Variants in EXT2 observed in about 807,000 individuals in gnomAD.
EXT2 encodes the protein exostosin-2.
EXT2 carries 53 observed loss-of-function variants against 81.6 expected under a neutral mutation model. The observed-to-expected ratio is 0.65, with a 90% confidence interval of 0.52 to 0.82. The LOEUF (loss-of-function observed/expected upper bound fraction) is 0.82, where lower values mean the gene tolerates loss of function less well. Ranked by LOEUF, EXT2 falls within the 40% of genes least tolerant of loss-of-function variation. EXT2 has a pLI of 0.00. For missense variants in EXT2, 774 were observed against 910.2 expected (o/e 0.85, Z 1.93); for synonymous variants, 320 against 340.0 (o/e 0.94, Z 0.65).
intron 10 of EXT2, among the ~76,000 whole-genome samples, chr11:44,210,762 G>A (rs1046105302): frequency 5.3e-5 from 8 of 152,170 alleles, no homozygotes; most frequent in Non-Finnish European, 1.0e-4. Context: ...CAAAATGTGT[G>A]CCAGATATGT....
chr11:44,098,153 CG>C (rs1565192516), intron 1 of EXT2, among the ~76,000 whole-genome samples: 13 of 151,834 alleles, frequency 8.6e-5, no homozygotes. Context: ...TGTCATCTTC[CG>C]GGGATTTTAA....
At chr11:44,120,366 C>T (rs1018371385) in intron 4 of EXT2, among the ~76,000 whole-genome samples, 2 of 152,216 alleles carry the variant, frequency 1.3e-5, no homozygotes, top group Non-Finnish European at 2.9e-5. Flanking sequence ...CATGTACCTC[C>T]CTCTGCTGGC....
chr11:44,205,704 C>A (rs1234553480), intron 9 of EXT2, among the ~76,000 whole-genome samples: 1 of 152,152 alleles, frequency 6.6e-6, no homozygotes, highest in Non-Finnish European at 1.5e-5. Context: ...ACTGACTTTC[C>A]CTCTATCATA....
chr11:44,234,281 G>A, intron 12 of EXT2, 38 bp downstream of exon 12: 1 of 1,594,984 alleles, frequency 6.3e-7, no homozygotes. Context: ...TGTGATCTTG[G>A]GCAAATATCT....
intron 1 of EXT2, chr11:44,096,310 C>T (rs2134933085): frequency 6.5e-7 from 1 of 1,535,952 alleles, no homozygotes; most frequent in South Asian, 1.2e-5. Flanking sequence ...GTGCCAGAAG[C>T]CGTGGGACGA....
At chr11:44,106,257 TG>T (rs1223262617) in intron 1 of EXT2, among the ~76,000 whole-genome samples, 2 of 152,210 alleles carry the variant, frequency 1.3e-5, no homozygotes, top group Non-Finnish European at 1.5e-5. Context: ...TGTTCGTCTT[TG>T]TAAATGAATC....
intron 7 of EXT2, among the ~76,000 whole-genome samples, chr11:44,155,608 A>G (rs1954846087): frequency 6.6e-6 from 1 of 152,200 alleles, no homozygotes; most frequent in Non-Finnish European, 1.5e-5. Context: ...ACAAGCAAAG[A>G]GAAAACTAAT....
intron 7 of EXT2, among the ~76,000 whole-genome samples, chr11:44,168,543 A>G (rs1343465638): frequency 6.6e-6 from 1 of 152,218 alleles, no homozygotes; most frequent in Non-Finnish European, 1.5e-5. Flanking sequence ...TAGGCATGTC[A>G]TAGTTGAATT....
chr11:44,228,430 G>A (rs759524534), intron 10 of EXT2, among the ~76,000 whole-genome samples: 1 of 152,218 alleles, frequency 6.6e-6, no homozygotes, highest in South Asian at 2.1e-4. Context: ...AGACAGGGTA[G>A]AGTTTGAGCT....
intron 9 of EXT2, among the ~76,000 whole-genome samples, chr11:44,199,764 C>A (rs1460638899): frequency 1.3e-5 from 2 of 152,102 alleles, no homozygotes. Flanking sequence ...TACACTGGCA[C>A]AACTAAAGGC....
At chr11:44,140,218 T>C (rs758426719) in intron 7 of EXT2, among the ~76,000 whole-genome samples, 6 of 152,250 alleles carry the variant, frequency 3.9e-5, no homozygotes, top group Non-Finnish European at 7.3e-5. Context: ...GCAGTCTGAC[T>C]GGCTGGACCT....
chr11:44,219,461 T>G lies in EXT2; in HGVS notation c.1662+12502T>G, dbSNP rs572158943. Among the ~76,000 whole-genome samples, 3 of 152,208 alleles carry G rather than the reference T, an allele frequency of 2.0e-5. No homozygotes were observed. In the South Asian group the frequency reaches 6.2e-4, roughly 32 times the overall value. ...TGAGTCTAGGATCGTGCCACTGCAC[T>G]CCAGCCTGGGCAACAAAGTGAGACC... On this transcript the variant is annotated intron_variant, in intron 10 of 13. Transcript: ENST00000533608.
intron 10 of EXT2, among the ~76,000 whole-genome samples, chr11:44,208,516 A>G (rs1366751343): frequency 6.6e-6 from 1 of 152,206 alleles, no homozygotes; most frequent in Non-Finnish European, 1.5e-5. Flanking sequence ...CTTTCCTCTG[A>G]TTACTTGTGT....
intron 10 of EXT2, among the ~76,000 whole-genome samples, chr11:44,231,185 C>A (rs1188212511): frequency 2.6e-5 from 4 of 151,618 alleles, no homozygotes; most frequent in Non-Finnish European, 4.4e-5. Flanking sequence ...GGTGATAGAT[C>A]GTGGTGGTTT....
At chr11:44,218,871 C>T (rs1955750794) in intron 10 of EXT2, among the ~76,000 whole-genome samples, 1 of 131,604 alleles carries the variant, frequency 7.6e-6, no homozygotes, top group Non-Finnish European at 1.5e-5. Flanking sequence ...AGTCTTGGCT[C>T]ACTGCAACCT....
rs1564986555 is a variant in EXT2 at position 44,232,374 on chromosome 11, CGGTT to C, written c.1688_1691del (p.Leu563TrpfsTer14). The C allele has an allele frequency of 1.2e-6, 2 of 1,613,840 alleles. No individual in the cohort carries two copies. The highest frequency in any genetic ancestry group is 1.7e-6 in the Non-Finnish European group (2 of 1,179,908). ...TTAGGTCTGGCGGGAATTTCCTGAC[CGGTT>C]GGTGGGTTACCCGGGTCGTCTGCAT... On this transcript the variant is annotated frameshift_variant, in exon 11 of 14. Coordinates refer to ENST00000533608, the MANE Select transcript of EXT2 (RefSeq NM_207122.2). LOFTEE classifies it high-confidence loss of function.
At chr11:44,105,317 G>A (rs1042524263) in intron 1 of EXT2, among the ~76,000 whole-genome samples, 1 of 152,146 alleles carries the variant, frequency 6.6e-6, no homozygotes, top group Non-Finnish European at 1.5e-5. Flanking sequence ...TTTTGAGAAA[G>A]AGTCGTGCTC....
intron 7 of EXT2, among the ~76,000 whole-genome samples, chr11:44,157,180 C>T (rs1954866383): frequency 1.3e-5 from 2 of 152,180 alleles, no homozygotes; most frequent in South Asian, 4.1e-4. Flanking sequence ...GGATCAGATC[C>T]AAAGTGAGCA....
chr11:44,182,085 A>T (rs932484544), intron 8 of EXT2, among the ~76,000 whole-genome samples: 33 of 152,110 alleles, frequency 2.2e-4, no homozygotes, highest in Admixed American at 2.2e-3. Flanking sequence ...GTATTTTGGG[A>T]GCCGAATAGA....
Sources: allele counts gnomAD v4.1 joint callset (sites outside exome capture counted in the v4.1 genomes callset), GRCh38; gene constraint gnomAD v4.1.1; transcripts MANE v1.5; gene names NCBI Gene and HGNC (gene_info 2026-07-23, HGNC 2026-07-21).